The following ADCY1 variants were observed in gnomAD, a reference collection of about 807,000 sequenced individuals.
ADCY1 encodes adenylate cyclase 1, also known as adenylate cyclase type 1.
In ADCY1, 28 loss-of-function variants were observed where a neutral mutation model predicts 105.4. That is an observed-to-expected ratio of 0.27 (90% CI 0.20 to 0.36). ADCY1 has a LOEUF of 0.36. Among genes scored for constraint, ADCY1 ranks in the 10% least tolerant of loss-of-function variants. The pLI is 1.00. For synonymous variants in ADCY1, 655 were observed against 623.8 expected, an observed-to-expected ratio of 1.05 and a Z score of -0.75; for missense variants, 977 against 1,434.2, an observed-to-expected ratio of 0.68 and a Z score of 5.15.
intron 8 of ADCY1, among the ~76,000 whole-genome samples, chr7:45,665,918 C>T (rs1482751893): frequency 6.6e-6 from 1 of 152,116 alleles, no homozygotes; most frequent in Admixed American, 6.5e-5. Flanking sequence ...CGAGGATAGC[C>T]TAGGGGTATT....
chr7:45,642,214 A>C (rs1010331993), intron 4 of ADCY1, among the ~76,000 whole-genome samples: 1 of 152,068 alleles, frequency 6.6e-6, no homozygotes, highest in African/African-American at 2.4e-5. Context: ...TTGTGGTTTC[A>C]GGGTAAGGAA....
At chr7:45,665,684 T>TAG (rs1437707285) in intron 8 of ADCY1, among the ~76,000 whole-genome samples, 1 of 152,244 alleles carries the variant, frequency 6.6e-6, no homozygotes. Flanking sequence ...TTAATGCAAA[T>TAG]AGAAGTTTAT....
Position 45,588,133 on chromosome 7 carries a change from T to A in ADCY1, c.640-4626T>A, listed in dbSNP as rs1792785189. On this transcript the variant is annotated intron_variant, in intron 1 of 19. Coordinates refer to ENST00000297323, the MANE Select transcript of ADCY1 (RefSeq NM_021116.4). ...CTGATGTTTATTTTATACTTTGGGT[T>A]ACAATTCAATACTGCTTTGTGTTGC... 2.0e-5 allele frequency among the ~76,000 whole-genome samples: 3 copies of A among 152,364 alleles called. No individual in the cohort carries two copies. In the South Asian group the frequency reaches 6.2e-4, roughly 32 times the overall value.
intron 1 of ADCY1, among the ~76,000 whole-genome samples, chr7:45,584,295 G>A (rs182794696): frequency 5.6e-4 from 86 of 152,262 alleles, no homozygotes; most frequent in Non-Finnish European, 2.1e-4. Context: ...GTCCTGCTGC[G>A]TGTGGCACAC....
chr7:45,699,164 T>C (rs1163770744), intron 14 of ADCY1, among the ~76,000 whole-genome samples: 1 of 152,150 alleles, frequency 6.6e-6, no homozygotes, highest in Non-Finnish European at 1.5e-5. Context: ...AGAGGGACCT[T>C]CAAACCAGTC....
At chr7:45,615,357 G>T (rs952777002) in intron 3 of ADCY1, among the ~76,000 whole-genome samples, 1 of 152,208 alleles carries the variant, frequency 6.6e-6, no homozygotes, top group Non-Finnish European at 1.5e-5. Flanking sequence ...CAGCACTTTG[G>T]GAGGCCGGGG....
chr7:45,588,760 C>G (rs1792809209), intron 1 of ADCY1, among the ~76,000 whole-genome samples: 1 of 152,156 alleles, frequency 6.6e-6, no homozygotes, highest in Admixed American at 6.5e-5. Context: ...CTGAGTTAAT[C>G]TGGCCCATGA....
At chr7:45,584,386 G>A (rs893237920) in intron 1 of ADCY1, among the ~76,000 whole-genome samples, 6 of 152,194 alleles carry the variant, frequency 3.9e-5, no homozygotes, top group African/African-American at 9.7e-5. Flanking sequence ...AACAGGTGGC[G>A]TGGGGCCCAA....
intron 14 of ADCY1, among the ~76,000 whole-genome samples, chr7:45,694,501 G>C (rs994775768): frequency 2.0e-5 from 3 of 152,158 alleles, no homozygotes; most frequent in African/African-American, 7.2e-5. Flanking sequence ...CAAAGCACCT[G>C]TATTAGAAAA....
chr7:45,616,022 C>T (rs1478060172), intron 3 of ADCY1, among the ~76,000 whole-genome samples: 1 of 151,948 alleles, frequency 6.6e-6, no homozygotes, highest in Non-Finnish European at 1.5e-5. Context: ...ATAACTGAGG[C>T]CACAAAAATG....
intron 2 of ADCY1, 140 bp from the exon 3 acceptor site, chr7:45,610,239 G>A (rs1055030050): frequency 1.4e-6 from 1 of 692,568 alleles, no homozygotes; most frequent in Non-Finnish European, 2.5e-6. Context: ...GGAGGGAGTT[G>A]CTTGTTCAGT....
chr7:45,681,959 C>T (rs937782328), intron 11 of ADCY1, among the ~76,000 whole-genome samples: 1 of 152,218 alleles, frequency 6.6e-6, no homozygotes, highest in Non-Finnish European at 1.5e-5. Context: ...TCCATGGCCC[C>T]TTGGGACCTT....
At chr7:45,580,509 A>C (rs925385551) in intron 1 of ADCY1, among the ~76,000 whole-genome samples, 1 of 152,188 alleles carries the variant, frequency 6.6e-6, no homozygotes, top group East Asian at 1.9e-4. Context: ...GGGAAGCTGC[A>C]GTCTATTGGG....
At chr7:45,618,740 A>C (rs1366740734) in intron 3 of ADCY1, among the ~76,000 whole-genome samples, 3 of 152,200 alleles carry the variant, frequency 2.0e-5, no homozygotes, top group African/African-American at 7.2e-5. Flanking sequence ...TGCAGAAAAA[A>C]GAGATCTCTT....
chr7:45,576,338 G>A (rs1388690739), intron 1 of ADCY1, among the ~76,000 whole-genome samples: 2 of 152,014 alleles, frequency 1.3e-5, no homozygotes, highest in Admixed American at 6.5e-5. Context: ...GCCAGGGGCA[G>A]CACACAGTCA....
intron 6 of ADCY1, 141 bp from the exon 7 acceptor site, chr7:45,659,901 A>G: frequency 6.7e-6 from 7 of 1,045,878 alleles, no homozygotes; most frequent in Non-Finnish European, 9.7e-6. Flanking sequence ...ACGGACTTGC[A>G]TGGGAGCATG....
Position 45,710,098 on chromosome 7 carries a change from G to A in ADCY1, c.2933-430G>A, listed in dbSNP as rs1191508773. 6.6e-6 allele frequency among the ~76,000 whole-genome samples: 1 copy of A among 152,210 alleles called. No homozygotes were observed. The highest frequency in any genetic ancestry group is 1.5e-5 in the Non-Finnish European group (1 of 68,024). Reference sequence around the variant, plus strand: ...CCATAAGGTCACATTCTGAGAAAAGGTCCGGAGCTGCTATTTTTCTGGAAG... The same window carrying A: ...CCATAAGGTCACATTCTGAGAAAAGATCCGGAGCTGCTATTTTTCTGGAAG... On this transcript the variant is annotated intron_variant, in intron 18 of 19. Transcript: ENST00000297323. The surrounding 1 kb of genome is among the most constrained non-coding windows in gnomAD (Gnocchi z 4.7).
At chr7:45,610,340 G>C in intron 2 of ADCY1, 39 bp from the exon 3 acceptor site, 1 of 1,574,108 alleles carries the variant, frequency 6.4e-7, no homozygotes, top group Admixed American at 1.7e-5. Context: ...GGAGGGAGGG[G>C]GCCCTGCTGT....
intron 2 of ADCY1, among the ~76,000 whole-genome samples, chr7:45,609,761 C>T (rs1793480206): frequency 1.3e-5 from 2 of 152,096 alleles, no homozygotes; most frequent in South Asian, 4.1e-4. Context: ...TCCCTCAGTC[C>T]AGACAAGGAA....
Sources: allele counts gnomAD v4.1 joint callset (sites outside exome capture counted in the v4.1 genomes callset), GRCh38; gene constraint gnomAD v4.1.1; non-coding constraint Gnocchi (gnomAD v3.1); transcripts MANE v1.5; gene names NCBI Gene and HGNC (gene_info 2026-07-23, HGNC 2026-07-21).